Variants in RBFOX1 observed in about 807,000 individuals in gnomAD.
RBFOX1 encodes RNA binding fox-1 homolog 1.
Under a neutral mutation model 57.7 loss-of-function variants are expected in RBFOX1, and 8 were observed. The observed-to-expected ratio is 0.14, with a 90% CI of 0.08 to 0.25. The LOEUF is 0.25. RBFOX1 is among the 10% of genes least tolerant of loss of function. RBFOX1 has a pLI of 1.00. For missense variants in RBFOX1, 611 were observed against 548.5 expected, an observed-to-expected ratio of 1.11 and a Z score of -1.14; for synonymous variants, 326 against 222.4, an observed-to-expected ratio of 1.47 and a Z score of -4.15.
chr16:6,007,483 A>T (rs1282203978), intron 4 of RBFOX1, among the ~76,000 whole-genome samples: 1 of 152,160 alleles, frequency 6.6e-6, no homozygotes, highest in Non-Finnish European at 1.5e-5. Context: ...CACAGTTGAC[A>T]TGTTGATTCC....
chr16:6,693,081 A>G lies in RBFOX1; in HGVS notation c.-16+38431A>G, dbSNP rs968540881. Among the ~76,000 whole-genome samples the G allele has an allele frequency of 5.0e-5, 6 of 119,336 alleles. No homozygotes were observed. The South Asian group carries it at 1.9e-3, about 37-fold the overall frequency. The allele number at this position is 119,336 out of a possible 152,430, so 78.3% of individuals were successfully genotyped here. On this transcript the variant is annotated intron_variant, in intron 3 of 15. Transcript: ENST00000550418. ...ATTATCACCATCATCCTCCTCTACT[A>G]CCATCACAACCATCATCATCATCCT...
At chr16:6,994,597 G>A (rs760971375) in intron 3 of RBFOX1, among the ~76,000 whole-genome samples, 1 of 152,182 alleles carries the variant, frequency 6.6e-6, no homozygotes, top group African/African-American at 2.4e-5. Flanking sequence ...CAGGAAGAAT[G>A]ATGCTGTGTA....
At chr16:6,116,516 T>A (rs1220312117) in intron 1 of RBFOX1, among the ~76,000 whole-genome samples, 1 of 152,202 alleles carries the variant, frequency 6.6e-6, no homozygotes, top group Non-Finnish European at 1.5e-5. Flanking sequence ...CTTACATGAA[T>A]ATGATAACCA....
At chr16:7,677,352 C>G (rs1396724342) in intron 14 of RBFOX1, among the ~76,000 whole-genome samples, 5 of 152,148 alleles carry the variant, frequency 3.3e-5, no homozygotes, top group South Asian at 2.1e-4. Flanking sequence ...GAGAGTGTCC[C>G]TGGCATTCAT....
chr16:6,763,118 C>T (rs74658875), intron 3 of RBFOX1, among the ~76,000 whole-genome samples: 134 of 152,280 alleles, frequency 8.8e-4, no homozygotes, highest in African/African-American at 3.1e-3. Flanking sequence ...ACTGTCTCCT[C>T]CACCTCTAAA....
intron 4 of RBFOX1, among the ~76,000 whole-genome samples, chr16:7,491,290 T>G (rs8046257): frequency 6.6e-6 from 1 of 151,606 alleles, no homozygotes; most frequent in South Asian, 2.1e-4. Context: ...GTAAATCTTG[T>G]ACTGTTGCTT....
chr16:6,006,395 A>G (rs1009605834), intron 4 of RBFOX1, among the ~76,000 whole-genome samples: 3 of 152,128 alleles, frequency 2.0e-5, no homozygotes, highest in African/African-American at 7.2e-5. Context: ...AAAGGAAAAA[A>G]ATGTTCTCCT....
At chr16:5,775,458 C>T (rs539556057) in intron 3 of RBFOX1, among the ~76,000 whole-genome samples, 6 of 152,326 alleles carry the variant, frequency 3.9e-5, no homozygotes, top group Admixed American at 1.3e-4. Context: ...GGGAAAGTAA[C>T]ACGGTGGAAA....
chr16:6,571,347 G>C (rs949935165), intron 2 of RBFOX1, among the ~76,000 whole-genome samples: 1 of 152,172 alleles, frequency 6.6e-6, no homozygotes, highest in Non-Finnish European at 1.5e-5. Context: ...CATCCTTCCA[G>C]AGAGAAGGGC....
intron 1 of RBFOX1, among the ~76,000 whole-genome samples, chr16:6,107,553 C>T (rs1330286222): frequency 6.6e-6 from 1 of 152,008 alleles, no homozygotes; most frequent in Admixed American, 6.6e-5. Context: ...TTTCAGACAA[C>T]ATTAGTTCAA....
intron 4 of RBFOX1, among the ~76,000 whole-genome samples, chr16:7,319,727 C>G (rs1020996211): frequency 6.6e-6 from 1 of 152,138 alleles, no homozygotes; most frequent in Non-Finnish European, 1.5e-5. Flanking sequence ...CATCCTTGGT[C>G]ATGTGAAGCA....
rs979987747 is a variant in RBFOX1 at position 7,362,991 on chromosome 16, T to C, written c.28-155156T>C. Among the ~76,000 whole-genome samples, 6 of 152,190 alleles carry C rather than the reference T, an allele frequency of 3.9e-5. No individual in the cohort carries two copies. In the East Asian group the frequency reaches 9.7e-4, roughly 25 times the overall value. Reference sequence around the variant, plus strand: ...CTTTTGTTTCCTAATTTTTGAAAAATAGGATGAGACCCACATGGAATGTCT... The same window carrying C: ...CTTTTGTTTCCTAATTTTTGAAAAACAGGATGAGACCCACATGGAATGTCT... On this transcript the variant is annotated intron_variant, in intron 4 of 15. Coordinates refer to ENST00000550418, the MANE Select transcript of RBFOX1 (RefSeq NM_018723.4).
At chr16:5,537,455 G>C (rs1033628820) in intron 2 of RBFOX1, among the ~76,000 whole-genome samples, 1 of 152,224 alleles carries the variant, frequency 6.6e-6, no homozygotes, top group Admixed American at 6.5e-5. Flanking sequence ...CAGACATCTG[G>C]CATGGGTCTT....
At chr16:6,160,948 C>A (rs2096873819) in intron 1 of RBFOX1, among the ~76,000 whole-genome samples, 1 of 152,208 alleles carries the variant, frequency 6.6e-6, no homozygotes, top group East Asian at 1.9e-4. Flanking sequence ...AGAACATTCG[C>A]CCCTTGTTCA....
chr16:6,601,698 G>T (rs1020443126), intron 2 of RBFOX1, among the ~76,000 whole-genome samples: 1 of 152,144 alleles, frequency 6.6e-6, no homozygotes, highest in Non-Finnish European at 1.5e-5. Context: ...TGTAGGAGAG[G>T]CTTCATCTTA....
chr16:7,135,793 G>A (rs2152038748), intron 4 of RBFOX1, among the ~76,000 whole-genome samples: 1 of 152,296 alleles, frequency 6.6e-6, no homozygotes. Flanking sequence ...TTATTCTGAA[G>A]GCCTCATTCC....
rs575311528 is a variant in RBFOX1, at chr16:6,273,199, C to T, written c.-126-43796C>T. Among the ~76,000 whole-genome samples the T allele has an allele frequency of 2.3e-4, 34 of 150,482 alleles. 1 individual carries two copies. The highest frequency in any genetic ancestry group is 7.1e-4 in the African/African-American group (29 of 41,122). On this transcript the variant is annotated intron_variant, in intron 1 of 15. Coordinates refer to ENST00000550418, the MANE Select transcript of RBFOX1 (RefSeq NM_018723.4). ...GGCTTGAACCTGGAGGCAGAGGTTG[C>T]AGTGAGCCATGATCATGCCACTGTA...
At chr16:6,818,821 C>T (rs562002419) in intron 3 of RBFOX1, among the ~76,000 whole-genome samples, 8 of 152,262 alleles carry the variant, frequency 5.3e-5, no homozygotes, top group East Asian at 1.9e-4. Context: ...CTGACTGGTC[C>T]GTGCCTGGGC....
intron 3 of RBFOX1, among the ~76,000 whole-genome samples, chr16:5,763,655 C>T (rs531589515): frequency 1.2e-4 from 18 of 152,214 alleles, no homozygotes; most frequent in African/African-American, 1.7e-4. Context: ...ACACTCACTC[C>T]GAGGGAATAT....
Sources: gnomAD v4.1 joint callset for allele counts (sites outside exome capture counted in the v4.1 genomes callset) on GRCh38, gnomAD v4.1.1 for gene constraint, MANE v1.5 for transcripts, NCBI Gene and HGNC (gene_info 2026-07-23, HGNC 2026-07-21) for gene names.